ASXL2: variants seen among roughly 807,000 people sequenced by gnomAD.
ASXL2 encodes putative Polycomb group protein ASXL2.
In ASXL2, 23 loss-of-function variants were observed where a neutral mutation model predicts 122.0. The ratio of observed to expected loss-of-function variants is 0.19; its 90% confidence interval spans 0.14 to 0.27. The LOEUF is 0.27. ASXL2 is among the 10% of genes least tolerant of loss of function. The pLI is 1.00. For missense variants in ASXL2, 1,518 were observed against 1,713.8 expected, an observed-to-expected ratio of 0.89 and a Z score of 2.02; for synonymous variants, 650 against 637.0, an observed-to-expected ratio of 1.02 and a Z score of -0.31.
intron 9 of ASXL2, 76 bp downstream of exon 9, chr2:25,759,406 C>T: frequency 7.1e-7 from 1 of 1,412,728 alleles, no homozygotes; most frequent in Non-Finnish European, 9.6e-7. Context: ...TTACTTCTCA[C>T]TTAGTACCAT....
At chr2:25,786,013 T>A (rs2088738157) in intron 5 of ASXL2, among the ~76,000 whole-genome samples, 1 of 152,162 alleles carries the variant, frequency 6.6e-6, no homozygotes, top group Non-Finnish European at 1.5e-5. Flanking sequence ...ATACAGATGA[T>A]TAATAATATA....
intron 5 of ASXL2, among the ~76,000 whole-genome samples, chr2:25,790,196 T>G (rs1013677030): frequency 2.6e-5 from 4 of 151,910 alleles, no homozygotes; most frequent in African/African-American, 4.8e-5. Context: ...TCATAGAAAT[T>G]TGACATTGCT....
intron 2 of ASXL2, among the ~76,000 whole-genome samples, chr2:25,838,260 G>A (rs1359687960): frequency 6.6e-6 from 1 of 152,196 alleles, no homozygotes; most frequent in African/African-American, 2.4e-5. Context: ...TTAGTACCTA[G>A]TAGGCAGTTT....
At chr2:25,771,183 C>T (rs1047492309) in intron 6 of ASXL2, among the ~76,000 whole-genome samples, 6 of 152,162 alleles carry the variant, frequency 3.9e-5, no homozygotes, top group Admixed American at 3.9e-4. Flanking sequence ...TTGCAGTGAG[C>T]TGAGATTGCA....
chr2:25,819,534 G>A (rs2089281472), intron 3 of ASXL2, among the ~76,000 whole-genome samples: 2 of 152,148 alleles, frequency 1.3e-5, no homozygotes, highest in African/African-American at 4.8e-5. Context: ...TGGTAAAAAT[G>A]TCCTATCGAT....
Position 25,768,844 on chromosome 2 carries a change from T to G in ASXL2, c.529A>C (p.Lys177Gln), listed in dbSNP as rs190136878. 1.3e-3 allele frequency: 2,132 copies of G among 1,613,644 alleles called. 1 individual carries two copies. The highest frequency in any genetic ancestry group is 1.5e-3 in the Middle Eastern group (9 of 6,058). Residue 177 changes from lysine to glutamine, a missense_variant, in exon 7 of 13, where the codon AAG becomes CAG. Coordinates refer to ENST00000435504, the MANE Select transcript of ASXL2 (RefSeq NM_018263.6). ...KQALKQQQQK[K>Q]QQQQCRPSIS... ...CTTGGCCTGCATTGCTGCTGCTGCT[T>G]CTTCTGCTGTTGCTGCTTTAGCGCC... is the stretch of plus-strand genomic sequence containing the variant.
chr2:25,759,823 T>C (rs74867973), intron 8 of ASXL2, among the ~76,000 whole-genome samples, 178 bp from the exon 9 acceptor site: 4,679 of 152,310 alleles, frequency 0.031, 115 homozygotes, highest in Non-Finnish European at 0.05. Context: ...ACAAGTTTTG[T>C]TCATTTATAG....
At chr2:25,790,539 C>T (rs2149166725) in intron 5 of ASXL2, among the ~76,000 whole-genome samples, 2 of 152,160 alleles carry the variant, frequency 1.3e-5, no homozygotes, top group South Asian at 4.2e-4. Flanking sequence ...TTATACTTCT[C>T]TATTACCAGT....
chr2:25,850,064 C>T (rs997967503), intron 1 of ASXL2, among the ~76,000 whole-genome samples: 11 of 152,208 alleles, frequency 7.2e-5, no homozygotes, highest in African/African-American at 2.2e-4. Flanking sequence ...AACACATGGC[C>T]TATCTTGTTT....
intron 1 of ASXL2, among the ~76,000 whole-genome samples, chr2:25,865,316 C>A (rs1291451324): frequency 6.6e-6 from 1 of 151,666 alleles, no homozygotes; most frequent in Non-Finnish European, 1.5e-5. Context: ...CTTTAAGTCC[C>A]AGCTACTTGG....
chr2:25,796,615 C>T lies in ASXL2; in HGVS notation c.403+2770G>A, dbSNP rs368233742. 3.5e-4 allele frequency among the ~76,000 whole-genome samples: 54 copies of T among 152,242 alleles called. No homozygotes were observed. In the South Asian group the frequency reaches 3.7e-3, roughly 11 times the overall value. ...GGTGAGTTATGAAGTAGACACCAAA[C>T]GGAATAAGAGCAAAGACCAGCAGAC... On this transcript the variant is annotated intron_variant, in intron 5 of 12. Coordinates refer to ENST00000435504, the MANE Select transcript of ASXL2 (RefSeq NM_018263.6).
intron 5 of ASXL2, among the ~76,000 whole-genome samples, chr2:25,797,400 G>A (rs966973180): frequency 7.2e-5 from 11 of 152,258 alleles, no homozygotes; most frequent in Non-Finnish European, 1.3e-4. Flanking sequence ...AGCCGAGATC[G>A]CTCCACTGTA....
chr2:25,849,169 G>A (rs2089688417), intron 1 of ASXL2, among the ~76,000 whole-genome samples: 1 of 147,990 alleles, frequency 6.8e-6, no homozygotes. Flanking sequence ...CAGGAACAGT[G>A]GCTCACACCT....
intron 12 of ASXL2, among the ~76,000 whole-genome samples, chr2:25,747,763 TAA>T (rs2087965870): frequency 6.6e-6 from 1 of 151,986 alleles, no homozygotes; most frequent in African/African-American, 2.4e-5. Context: ...GAAAGAATAG[TAA>T]AAGTGATTAT....
chr2:25,824,569 AT>A (rs1177504840), intron 3 of ASXL2, among the ~76,000 whole-genome samples: 1 of 152,206 alleles, frequency 6.6e-6, no homozygotes, highest in Admixed American at 6.5e-5. Flanking sequence ...ACTGTTAGCC[AT>A]ATTTGCAATT....
At chr2:25,845,712 C>T (rs1051753731) in intron 1 of ASXL2, 149 bp from the exon 2 acceptor site, 2 of 306,510 alleles carry the variant, frequency 6.5e-6, no homozygotes, top group African/African-American at 2.2e-5. Flanking sequence ...TTTCTCCCTC[C>T]ATCCCCACAT....
At chr2:25,846,073 C>A (rs571922651) in intron 1 of ASXL2, among the ~76,000 whole-genome samples, 1 of 152,306 alleles carries the variant, frequency 6.6e-6, no homozygotes, top group East Asian at 1.9e-4. Flanking sequence ...TTGTTTCCCT[C>A]TGGTAGCTCC....
At chr2:25,845,294 C>G (rs745828775) in intron 2 of ASXL2, 187 bp downstream of exon 2, 18 of 1,010,552 alleles carry the variant, frequency 1.8e-5, no homozygotes, top group Non-Finnish European at 2.6e-5. Flanking sequence ...TTAAAACCTT[C>G]TGGTTTAAAA....
chr2:25,871,130 T>C (rs1215632896), intron 1 of ASXL2, among the ~76,000 whole-genome samples: 2 of 152,162 alleles, frequency 1.3e-5, no homozygotes, highest in African/African-American at 4.8e-5. Flanking sequence ...GTACTAAAAA[T>C]ACTAAATTTA....
Sources: allele counts gnomAD v4.1 joint callset (sites outside exome capture counted in the v4.1 genomes callset), GRCh38; gene constraint gnomAD v4.1.1; transcripts MANE v1.5; gene names NCBI Gene and HGNC (gene_info 2026-07-23, HGNC 2026-07-21).